SHROOM2: variants seen among roughly 807,000 people sequenced by gnomAD.
SHROOM2 encodes shroom family member 2.
Under a neutral mutation model 75.9 loss-of-function variants are expected in SHROOM2, and 33 were observed. That is an observed-to-expected ratio of 0.43 (90% CI 0.33 to 0.58). The LOEUF (loss-of-function observed/expected upper bound fraction) is 0.58. Among genes scored for constraint, SHROOM2 ranks in the 20% least tolerant of loss-of-function variants. The pLI, the probability that SHROOM2 is intolerant of heterozygous loss-of-function variation, is 0.04. For synonymous variants in SHROOM2, 655 were observed against 663.6 expected (o/e 0.99, Z 0.20); for missense variants, 1,434 against 1,461.2 (o/e 0.98, Z 0.30).
intron 1 of SHROOM2, among the ~76,000 whole-genome samples, chrX:9,858,517 T>C (rs1235387932): frequency 8.9e-6 from 1 of 112,717 alleles, no homozygotes; most frequent in Admixed American, 9.4e-5. Flanking sequence ...AAAAGCTCAG[T>C]GAGGCCGCGC....
intron 1 of SHROOM2, among the ~76,000 whole-genome samples, chrX:9,807,787 C>G (rs1219834396): frequency 8.9e-6 from 1 of 112,262 alleles, no homozygotes; most frequent in Admixed American, 9.4e-5. Context: ...TTCTGTGATC[C>G]TCCCTGAGAG....
chrX:9,859,407 G>A (rs1316967524), intron 1 of SHROOM2, among the ~76,000 whole-genome samples: 1 of 112,208 alleles, frequency 8.9e-6, no homozygotes, highest in Non-Finnish European at 1.9e-5. Flanking sequence ...ATATCATTTG[G>A]GTTTTGTCAT....
intron 1 of SHROOM2, among the ~76,000 whole-genome samples, chrX:9,791,583 A>C (rs1341337380): frequency 8.9e-6 from 1 of 112,233 alleles, no homozygotes; most frequent in Admixed American, 9.5e-5. Context: ...CATGAAGGAT[A>C]AATTCTGCAG....
intron 5 of SHROOM2, among the ~76,000 whole-genome samples, chrX:9,899,768 C>CT (rs1376990191): frequency 1.8e-5 from 2 of 112,440 alleles, no homozygotes; most frequent in Non-Finnish European, 3.8e-5. Context: ...ACAATTAGAG[C>CT]TTTATGACTG....
chrX:9,804,867 G>T (rs755426917), intron 1 of SHROOM2, among the ~76,000 whole-genome samples: 2 of 111,353 alleles, frequency 1.8e-5, no homozygotes, highest in South Asian at 7.6e-4. Flanking sequence ...GCATTATGCC[G>T]TGAGTTCCTG....
intron 1 of SHROOM2, among the ~76,000 whole-genome samples, chrX:9,848,274 G>T (rs1256091372): frequency 1.8e-5 from 2 of 108,150 alleles, no homozygotes; most frequent in African/African-American, 6.7e-5. Context: ...GGAGGCCGAG[G>T]CGGGTGGATC....
intron 1 of SHROOM2, among the ~76,000 whole-genome samples, chrX:9,851,816 CT>C (rs1182018206): frequency 1.3e-4 from 14 of 110,744 alleles, no homozygotes; most frequent in Admixed American, 1.3e-3. Flanking sequence ...CACATTGCCC[CT>C]TTTAACTTCT....
intron 6 of SHROOM2, among the ~76,000 whole-genome samples, chrX:9,935,234 G>C (rs1029188685): frequency 9.0e-6 from 1 of 111,138 alleles, no homozygotes; most frequent in Non-Finnish European, 1.9e-5. Context: ...GGAGCCGGGG[G>C]GGCGGGGGTG....
At chrX:9,873,887 A>G (rs757183152) in intron 2 of SHROOM2, 84 bp downstream of exon 2, 1 of 1,009,736 alleles carries the variant, frequency 9.9e-7, no homozygotes, top group Admixed American at 2.4e-5. Flanking sequence ...TGTCCTGCCC[A>G]CATCACTACA....
chrX:9,866,818 C>CA (rs2084141530), intron 1 of SHROOM2, among the ~76,000 whole-genome samples: 1 of 111,164 alleles, frequency 9.0e-6, no homozygotes, highest in African/African-American at 3.3e-5. Context: ...TCGTCTTCCC[C>CA]CACTTCGGCC....
intron 1 of SHROOM2, among the ~76,000 whole-genome samples, chrX:9,863,055 A>G (rs962291103): frequency 8.1e-5 from 9 of 110,575 alleles, no homozygotes; most frequent in African/African-American, 3.0e-4. Flanking sequence ...TTTGGGCTCT[A>G]TGCTGACCTC....
intron 1 of SHROOM2, among the ~76,000 whole-genome samples, chrX:9,805,254 A>C (rs895993518): frequency 3.0e-4 from 33 of 111,791 alleles, no homozygotes; most frequent in African/African-American, 1.0e-3. Flanking sequence ...AAAAATAAAA[A>C]ATAAAAAAAT....
At chrX:9,945,335 T>A (rs2147068024) in intron 9 of SHROOM2, among the ~76,000 whole-genome samples, 1 of 110,552 alleles carries the variant, frequency 9.0e-6, no homozygotes, top group South Asian at 3.9e-4. Flanking sequence ...GGTCTGGAAC[T>A]CCTGAGCTCA....
intron 6 of SHROOM2, among the ~76,000 whole-genome samples, chrX:9,934,591 C>G (rs1041442072): frequency 9.0e-6 from 1 of 111,114 alleles, no homozygotes; most frequent in Non-Finnish European, 1.9e-5. Flanking sequence ...TTGATGAGGG[C>G]TGGTCGCTGG....
intron 5 of SHROOM2, among the ~76,000 whole-genome samples, chrX:9,910,009 C>G (rs1276009482): frequency 1.8e-5 from 2 of 110,341 alleles, no homozygotes; most frequent in Non-Finnish European, 3.8e-5. Flanking sequence ...TAATCCCATT[C>G]GCAAGAGCTC....
intron 3 of SHROOM2, among the ~76,000 whole-genome samples, chrX:9,892,375 T>C (rs914021840): frequency 1.1e-4 from 12 of 109,006 alleles, no homozygotes; most frequent in Admixed American, 2.9e-4. Flanking sequence ...TGACAAAAGA[T>C]GATGGTATTT....
chrX:9,857,201 G>C (rs2084075976), intron 1 of SHROOM2, among the ~76,000 whole-genome samples: 1 of 111,963 alleles, frequency 8.9e-6, no homozygotes, highest in Admixed American at 9.5e-5. Flanking sequence ...TTGGTGTGTA[G>C]GGATCCTGCA....
intron 1 of SHROOM2, among the ~76,000 whole-genome samples, chrX:9,847,825 C>T (rs1247228580): frequency 8.9e-6 from 1 of 112,075 alleles, no homozygotes; most frequent in Non-Finnish European, 1.9e-5. Flanking sequence ...ACAGTGTTGG[C>T]CAGTCCTTTT....
intron 6 of SHROOM2, 132 bp from the exon 7 acceptor site, chrX:9,937,002 C>A: frequency 1.6e-6 from 1 of 616,714 alleles, no homozygotes; most frequent in Non-Finnish European, 2.5e-6. Flanking sequence ...ATCATGGAGG[C>A]TCCTTCGAGT....
Sources: allele counts gnomAD v4.1 joint callset (sites outside exome capture counted in the v4.1 genomes callset), GRCh38; gene constraint gnomAD v4.1.1; transcripts MANE v1.5; gene names NCBI Gene and HGNC (gene_info 2026-07-23, HGNC 2026-07-21).